Variants in OSBPL9 observed in about 807,000 individuals in gnomAD.
OSBPL9 encodes oxysterol binding protein like 9, also known as oxysterol-binding protein-related protein 9.
OSBPL9 carries 40 observed loss-of-function variants against 106.6 expected under a neutral mutation model. That is an observed-to-expected ratio of 0.38 (90% CI 0.29 to 0.49). The LOEUF (loss-of-function observed/expected upper bound fraction) is 0.49. OSBPL9 is among the 20% of genes least tolerant of loss of function. OSBPL9 has a pLI of 0.97. For synonymous variants in OSBPL9, 269 were observed against 295.4 expected (o/e 0.91, Z 0.92); for missense variants, 609 against 887.2 (o/e 0.69, Z 3.98).
At chr1:51,574,762 T>C (rs953024533), upstream of OSBPL9, among the ~76,000 whole-genome samples, 3 of 152,198 alleles carry the variant, frequency 2.0e-5, no homozygotes, top group Non-Finnish European at 4.4e-5. Context: ...CTTACACATA[T>C]TTATGTTTAG....
chr1:51,592,696 T>C (rs1277359694), intron 1 of OSBPL9, among the ~76,000 whole-genome samples: 4 of 152,148 alleles, frequency 2.6e-5, no homozygotes, highest in African/African-American at 9.7e-5. Flanking sequence ...TAGTGCTGGA[T>C]TGTGTTCCTG....
At chr1:51,628,698 T>G (rs1391714878) in intron 1 of OSBPL9, among the ~76,000 whole-genome samples, 2 of 148,228 alleles carry the variant, frequency 1.3e-5, no homozygotes, top group African/African-American at 4.9e-5. Context: ...TTTTTTTTTT[T>G]TTTGAGATGG....
chr1:51,691,909 C>T (rs996310452), intron 3 of OSBPL9, among the ~76,000 whole-genome samples: 2 of 152,126 alleles, frequency 1.3e-5, no homozygotes, highest in Non-Finnish European at 2.9e-5. Flanking sequence ...GAGCTATCAT[C>T]TCCTATGATA....
chr1:51,564,044 G>A, the OSBPL9 span, among the ~76,000 whole-genome samples: 3 of 2,038 alleles, frequency 1.5e-3, no homozygotes, highest in Non-Finnish European at 3.4e-3. Flanking sequence ...GACAGAGCGA[G>A]ATCATCTCAA....
chr1:51,637,416 T>A (rs755074244), intron 1 of OSBPL9, among the ~76,000 whole-genome samples: 1 of 150,960 alleles, frequency 6.6e-6, no homozygotes, highest in Non-Finnish European at 1.5e-5. Flanking sequence ...GAGGCTACAG[T>A]GAGCCGAGAT....
intron 2 of OSBPL9, among the ~76,000 whole-genome samples, chr1:51,662,742 A>T (rs538730547): frequency 0.036 from 4,698 of 131,710 alleles, 235 homozygotes; most frequent in East Asian, 0.11. Context: ...AAATCAACGA[A>T]TTTTTTTTTT....
At chr1:51,593,412 G>A (rs1000986115) in intron 1 of OSBPL9, among the ~76,000 whole-genome samples, 3 of 151,944 alleles carry the variant, frequency 2.0e-5, no homozygotes, top group South Asian at 2.1e-4. Context: ...TCAGCAAAAG[G>A]TCAGGCTCCC....
At chr1:51,589,799 C>T (rs541002940) in intron 1 of OSBPL9, among the ~76,000 whole-genome samples, 14 of 150,410 alleles carry the variant, frequency 9.3e-5, no homozygotes, top group African/African-American at 2.7e-4. Flanking sequence ...TTTGGGAGGC[C>T]GAAGCAGGTG....
At chr1:51,768,076 G>A (rs1288626572) in intron 12 of OSBPL9, among the ~76,000 whole-genome samples, 4 of 151,124 alleles carry the variant, frequency 2.6e-5, no homozygotes, top group Non-Finnish European at 5.9e-5. Context: ...CGAGTAGCTG[G>A]GACTACAGGC....
intron 4 of OSBPL9, among the ~76,000 whole-genome samples, chr1:51,716,986 G>T (rs916066048): frequency 6.6e-6 from 1 of 151,286 alleles, no homozygotes; most frequent in African/African-American, 2.4e-5. Context: ...GTATTTATAT[G>T]TCCTTTTTTT....
chr1:51,660,415 A>G (rs1375290076), intron 2 of OSBPL9, among the ~76,000 whole-genome samples: 1 of 152,198 alleles, frequency 6.6e-6, no homozygotes, highest in African/African-American at 2.4e-5. Flanking sequence ...GCAAAGGATT[A>G]ATATTCTGTG....
At chr1:51,544,932 C>T in the OSBPL9 span, among the ~76,000 whole-genome samples, 1 of 149,210 alleles carries the variant, frequency 6.7e-6, no homozygotes, top group Non-Finnish European at 1.5e-5. Flanking sequence ...CAACATCCAC[C>T]TCCCAGGCTC....
At position 51,722,335 on chromosome 1, in the gene OSBPL9, C is replaced by T. The variant is rs560487247; in HGVS notation, c.318+8256C>T. Among the ~76,000 whole-genome samples, 5 of 152,308 alleles carry T rather than the reference C, an allele frequency of 3.3e-5. No individual in the cohort carries two copies. In the South Asian group the frequency reaches 1.0e-3, roughly 32 times the overall value. On this transcript the variant is annotated intron_variant, in intron 4 of 23. Coordinates refer to ENST00000428468, the MANE Select transcript of OSBPL9 (RefSeq NM_024586.6). Reference sequence around the variant, plus strand: ...TTTTTTCAGAATAAAGTGACCAACACAGAATGTTACCTGTAAAAATCAGAG... The same window carrying T: ...TTTTTTCAGAATAAAGTGACCAACATAGAATGTTACCTGTAAAAATCAGAG...
At chr1:51,741,025 CAGTTACGTGTA>C (rs1443040000) in intron 4 of OSBPL9, among the ~76,000 whole-genome samples, 1 of 151,320 alleles carries the variant, frequency 6.6e-6, no homozygotes, top group Non-Finnish European at 1.5e-5. Flanking sequence ...GTAAAACATT[CAGTTACGTGTA>C]TGTGTAAAGT....
chr1:51,716,830 C>A (rs1045840417), intron 4 of OSBPL9, among the ~76,000 whole-genome samples: 1 of 152,056 alleles, frequency 6.6e-6, no homozygotes, highest in Non-Finnish European at 1.5e-5. Context: ...TAAAACATAT[C>A]CTAGTATCTA....
At chr1:51,764,399 G>A (rs2149078949) in intron 11 of OSBPL9, among the ~76,000 whole-genome samples, 1 of 152,110 alleles carries the variant, frequency 6.6e-6, no homozygotes, top group Middle Eastern at 3.4e-3. Context: ...TTACTAATAA[G>A]GTGAGCTACC....
At chr1:51,663,715 CAG>C (rs1286567738) in intron 2 of OSBPL9, among the ~76,000 whole-genome samples, 1 of 152,106 alleles carries the variant, frequency 6.6e-6, no homozygotes, top group Non-Finnish European at 1.5e-5. Flanking sequence ...AAGCAGGCAA[CAG>C]AGTAGAAGTA....
the OSBPL9 span, among the ~76,000 whole-genome samples, chr1:51,522,264 C>CA: frequency 6.6e-6 from 1 of 152,030 alleles, no homozygotes; most frequent in African/African-American, 2.4e-5. Flanking sequence ...TCTTGGTTAA[C>CA]AAAAAATAAA....
intron 8 of OSBPL9, among the ~76,000 whole-genome samples, chr1:51,754,317 T>C (rs757752462): frequency 1.7e-4 from 26 of 152,258 alleles, no homozygotes; most frequent in Admixed American, 3.9e-4. Context: ...TGCTTTGGTT[T>C]TGAGGTATAG....
Sources: gnomAD v4.1 joint callset for allele counts (sites outside exome capture counted in the v4.1 genomes callset) on GRCh38, gnomAD v4.1.1 for gene constraint, MANE v1.5 for transcripts, NCBI Gene and HGNC (gene_info 2026-07-23, HGNC 2026-07-21) for gene names.